RHOU: variants seen among roughly 807,000 people sequenced by gnomAD.
RHOU encodes the protein rho-related GTP-binding protein RhoU.
In RHOU, 8 loss-of-function variants were observed where a neutral mutation model predicts 12.6. That is an observed-to-expected ratio of 0.64 (90% confidence interval 0.37 to 1.15). The LOEUF is 1.15. Among genes scored for constraint, RHOU ranks in the 50% most tolerant of loss-of-function variants. RHOU has a pLI of 0.01. For synonymous variants in RHOU, 161 were observed against 147.4 expected, an observed-to-expected ratio of 1.09 and a Z score of -0.67; for missense variants, 258 against 347.0, an observed-to-expected ratio of 0.74 and a Z score of 2.04.
chr1:228,669,870 A>G, the RHOU span, among the ~76,000 whole-genome samples: 1 of 152,202 alleles, frequency 6.6e-6, no homozygotes, highest in Non-Finnish European at 1.5e-5. Flanking sequence ...TCTTTGGTGC[A>G]CTTCAAACTG....
chr1:228,656,032 A>T, the RHOU span, among the ~76,000 whole-genome samples: 2 of 152,256 alleles, frequency 1.3e-5, no homozygotes, highest in Non-Finnish European at 2.9e-5. Context: ...TGATCTTTGT[A>T]GCCAATGATA....
the RHOU span, among the ~76,000 whole-genome samples, chr1:228,656,988 A>T: frequency 6.6e-6 from 1 of 152,166 alleles, no homozygotes; most frequent in Non-Finnish European, 1.5e-5. Flanking sequence ...AGAAATAGAA[A>T]AAAGAGGCTG....
chr1:228,743,305 G>A lies in RHOU; in HGVS notation c.342G>A (p.Arg114=). ...TGCAGGATGAATTTGACAAGCTGAGGCCTCTCTGCTACACCAACACAGACA... is the reference window on the plus strand; with the variant it reads ...TGCAGGATGAATTTGACAAGCTGAGACCTCTCTGCTACACCAACACAGACA... ...TAGQDEFDKL[R]PLCYTNTDIF... Residue 114 remains arginine (R), a synonymous_variant, in exon 3 of 3, where the codon AGG becomes AGA. Transcript: ENST00000366691. The surrounding 1 kb of genome is among the most constrained non-coding windows in gnomAD (Gnocchi z 5.1). 3 of 1,613,506 alleles carry A rather than the reference G, an allele frequency of 1.9e-6. No individual in the cohort carries two copies. Among genetic ancestry groups the A allele is most frequent in the Non-Finnish European group, 2.5e-6 (3 of 1,179,436 alleles).
At chr1:228,699,479 T>G in the RHOU span, among the ~76,000 whole-genome samples, 2 of 136,890 alleles carry the variant, frequency 1.5e-5, no homozygotes, top group Non-Finnish European at 1.5e-5. Context: ...AAAAAAAGCC[T>G]GTAGCATTTA....
the RHOU span, among the ~76,000 whole-genome samples, chr1:228,671,087 C>T: frequency 3.9e-5 from 6 of 152,304 alleles, no homozygotes; most frequent in Non-Finnish European, 7.3e-5. Flanking sequence ...TCACTGCAAC[C>T]TCCACCTCCC....
the RHOU span, among the ~76,000 whole-genome samples, chr1:228,723,098 G>C: frequency 1.6e-4 from 24 of 152,334 alleles, no homozygotes; most frequent in South Asian, 5.0e-3. Context: ...CTGGCAGCCT[G>C]AGTTAGATGA....
the RHOU span, among the ~76,000 whole-genome samples, chr1:228,664,400 C>A: frequency 6.6e-6 from 1 of 152,152 alleles, no homozygotes; most frequent in South Asian, 2.1e-4. Context: ...ATGAGGAAAG[C>A]CATTTGCGGA....
the RHOU span, among the ~76,000 whole-genome samples, chr1:228,706,123 G>C: frequency 6.6e-6 from 1 of 152,112 alleles, no homozygotes; most frequent in Non-Finnish European, 1.5e-5. Flanking sequence ...CAGAATCTGA[G>C]AGAGAATTCA....
chr1:228,715,464 G>A, the RHOU span, among the ~76,000 whole-genome samples: 6 of 151,932 alleles, frequency 3.9e-5, no homozygotes, highest in African/African-American at 7.3e-5. Context: ...ATTACACTGT[G>A]AACAAAAATT....
rs948392801 is a variant in RHOU at position 228,744,456 on chromosome 1, G to A, written c.*716G>A. 7 of 152,198 alleles carry A rather than the reference G, an allele frequency of 4.6e-5. No individual in the cohort carries two copies. Among genetic ancestry groups the A allele is most frequent in the African/African-American group, 1.4e-4 (6 of 41,440 alleles). The allele number at this position is 152,198 out of a possible 1,614,324, so 9.4% of individuals were successfully genotyped here. ...TATGAACACAGACAAAGTGCTATGCGGAGGAAAGCAAGTGTTGGTCAGTAG... is the reference window on the plus strand; with the variant it reads ...TATGAACACAGACAAAGTGCTATGCAGAGGAAAGCAAGTGTTGGTCAGTAG... On this transcript the variant is annotated 3_prime_UTR_variant, in exon 3 of 3. Coordinates refer to ENST00000366691, the MANE Select transcript of RHOU (RefSeq NM_021205.6).
At chr1:228,693,755 C>T in the RHOU span, among the ~76,000 whole-genome samples, 22 of 152,274 alleles carry the variant, frequency 1.4e-4, no homozygotes, top group Non-Finnish European at 2.6e-4. Flanking sequence ...CATGAGCCAC[C>T]GCTCCCGGCA....
Position 228,745,072 on chromosome 1 carries a change from T to G in RHOU, c.*1332T>G, listed in dbSNP as rs1662799936. 6.6e-6 allele frequency: 1 copy of G among 152,184 alleles called. No individual in the cohort carries two copies. Among genetic ancestry groups the G allele is most frequent in the African/African-American group, 2.4e-5 (1 of 41,436 alleles). The allele number at this position is 152,184 out of a possible 1,614,324, so 9.4% of individuals were successfully genotyped here. ...GCAGTAGCAGCAGAGGCCAGTGGACTCTGAGGACTCCTGAGGGGCGGGGCG... is the reference window on the plus strand; with the variant it reads ...GCAGTAGCAGCAGAGGCCAGTGGACGCTGAGGACTCCTGAGGGGCGGGGCG... On this transcript the variant is annotated 3_prime_UTR_variant, in exon 3 of 3. Coordinates refer to ENST00000366691, the MANE Select transcript of RHOU (RefSeq NM_021205.6).
upstream of RHOU, among the ~76,000 whole-genome samples, chr1:228,730,975 A>C (rs1353987846): frequency 6.6e-6 from 1 of 152,236 alleles, no homozygotes; most frequent in East Asian, 1.9e-4. Flanking sequence ...TACAAAAGTG[A>C]CATGTACACA....
chr1:228,669,755 T>C, the RHOU span, among the ~76,000 whole-genome samples: 1 of 152,094 alleles, frequency 6.6e-6, no homozygotes, highest in Admixed American at 6.6e-5. Flanking sequence ...TGGAGAAGAG[T>C]ATAATTTCCT....
Position 228,737,594 on chromosome 1 carries a change from T to C in RHOU, c.263-79T>C, listed in dbSNP as rs1322044655. On this transcript the variant is annotated intron_variant, in intron 1 of 2. Transcript: ENST00000366691. This position sits in a 1 kb window ranked among gnomAD's most constrained non-coding sequence, Gnocchi z 4.1. ...GCAAAGGGGTTTGGAGTGAGAATGA[T>C]AGTGAAAGCTAAAACTATTAGTATT... 2 of 1,327,064 alleles carry C rather than the reference T, an allele frequency of 1.5e-6. No homozygotes were observed. The highest frequency in any genetic ancestry group is 1.7e-5 in the Admixed American group (1 of 59,228). 82.2% of individuals were successfully genotyped at this position (1,327,064 alleles called of 1,614,324 possible). A position where few individuals can be genotyped will look rare whatever the true frequency, so the allele number is the denominator to read the frequency against.
At chr1:228,715,021 C>T in the RHOU span, among the ~76,000 whole-genome samples, 1 of 152,024 alleles carries the variant, frequency 6.6e-6, no homozygotes, top group East Asian at 1.9e-4. Context: ...GGATTACAGG[C>T]GTGAGCCACC....
the RHOU span, chr1:228,687,433 C>T: frequency 2.4e-5 from 34 of 1,408,162 alleles, no homozygotes; most frequent in Admixed American, 3.3e-5. Context: ...AAGAACTTTG[C>T]CAAATACTTT....
In RHOU at chr1:228,743,631, T is replaced by G. The variant is rs1662769298; in HGVS notation, c.668T>G (p.Ile223Ser). ...EVFDAAIVAG[I>S]QYSDTQQQPK... The stretch of plus-strand genomic sequence containing the variant: ...TTTGATGCAGCCATCGTCGCTGGCA[T>G]TCAATACTCGGACACTCAGCAACAG... Residue 223 changes from isoleucine (I) to serine (S), a missense_variant, in exon 3 of 3, where the codon ATT becomes AGT. By Grantham distance (142) the Ile-to-Ser change is moderately radical. Coordinates refer to ENST00000366691, the MANE Select transcript of RHOU (RefSeq NM_021205.6). This position sits in a 1 kb window ranked among gnomAD's most constrained non-coding sequence, Gnocchi z 5.1. 1 of 1,614,184 alleles carries G rather than the reference T, an allele frequency of 6.2e-7. No homozygotes were observed. The highest frequency in any genetic ancestry group is 8.5e-7 in the Non-Finnish European group (1 of 1,180,040).
the RHOU span, among the ~76,000 whole-genome samples, chr1:228,671,339 T>TGAAAACAGA: frequency 2.6e-5 from 4 of 152,310 alleles, 1 homozygote; most frequent in South Asian, 8.3e-4. Flanking sequence ...GAAAACAGAC[T>TGAAAACAGA]AATACAGATG....
Sources: gnomAD v4.1 joint callset for allele counts (sites outside exome capture counted in the v4.1 genomes callset) on GRCh38, gnomAD v4.1.1 for gene constraint, Gnocchi (gnomAD v3.1) non-coding constraint, MANE v1.5 for transcripts, NCBI Gene and HGNC (gene_info 2026-07-23, HGNC 2026-07-21) for gene names.